PADI6: variants seen among roughly 807,000 people sequenced by gnomAD.
PADI6 encodes the protein inactive protein-arginine deiminase type-6.
A neutral mutation model predicts 78.2 loss-of-function variants in PADI6; 66 were observed. The observed-to-expected ratio is 0.84, with a 90% CI of 0.69 to 1.04. PADI6 has a LOEUF of 1.04. Among genes scored for constraint, PADI6 ranks in the 50% least tolerant of loss-of-function variants. The probability of loss-of-function intolerance (pLI) is 0.00; values close to 1 mark genes in which losing one functional copy is unlikely to be tolerated. For missense variants in PADI6, 854 were observed against 866.1 expected, an observed-to-expected ratio of 0.99 and a Z score of 0.18; for synonymous variants, 397 against 346.9, an observed-to-expected ratio of 1.14 and a Z score of -1.60.
chr1:17,401,006 C>A (rs1216155163), intron 15 of PADI6, among the ~76,000 whole-genome samples, 199 bp from the exon 16 acceptor site: 4 of 152,218 alleles, frequency 2.6e-5, no homozygotes, highest in African/African-American at 9.6e-5. Flanking sequence ...CAATCCCAGA[C>A]CTTGGCCAGG....
intron 3 of PADI6, among the ~76,000 whole-genome samples, chr1:17,376,661 G>A (rs1419431524): frequency 1.3e-5 from 2 of 151,836 alleles, no homozygotes; most frequent in African/African-American, 4.8e-5. Context: ...GCCTCCCAGA[G>A]TGTTGGGATT....
rs527459136 is a variant in PADI6, at chr1:17,392,488, G to A, written c.1074+263G>A. Among the ~76,000 whole-genome samples, 5 of 152,256 alleles carry A rather than the reference G, an allele frequency of 3.3e-5. No individual in the cohort carries two copies. The South Asian group carries it at 6.2e-4, about 19-fold the overall frequency. Reference sequence around the variant, plus strand: ...CACAGAACCCTAACCCCCAGGCCCCGGAAGGCTCTGATACCTTTGGCTAAG... The same window carrying A: ...CACAGAACCCTAACCCCCAGGCCCCAGAAGGCTCTGATACCTTTGGCTAAG... On this transcript the variant is annotated intron_variant, in intron 9 of 15. Coordinates refer to ENST00000619609, the MANE Select transcript of PADI6 (RefSeq NM_207421.4).
Position 17,372,308 on chromosome 1 carries a change from C to T in PADI6, c.63C>T (p.Ser21=), listed in dbSNP as rs1422626808. ...GTATCATCCACCTGTCCCTGGACAG[C>T]CCTGTCCATGCCGTTTGTGTGTTGG... ...FQSIIHLSLD[S]PVHAVCVLGT... Residue 21 remains serine, a synonymous_variant, in exon 1 of 16, where the codon AGC becomes AGT. Coordinates refer to ENST00000619609, the MANE Select transcript of PADI6 (RefSeq NM_207421.4). 1.2e-6 allele frequency: 2 copies of T among 1,613,862 alleles called. No homozygotes were observed. The highest frequency in any genetic ancestry group is 1.7e-6 in the Non-Finnish European group (2 of 1,179,886).
At chr1:17,383,946 C>T (rs953085994) in intron 6 of PADI6, among the ~76,000 whole-genome samples, 1 of 152,164 alleles carries the variant, frequency 6.6e-6, no homozygotes, top group Non-Finnish European at 1.5e-5. Flanking sequence ...GTCAGGAGTT[C>T]GAGACCAGCC....
intron 8 of PADI6, 148 bp downstream of exon 8, chr1:17,389,028 C>A: frequency 1.6e-6 from 1 of 632,900 alleles, no homozygotes; most frequent in Non-Finnish European, 2.8e-6. Context: ...GGACCTGCCC[C>A]AAGACAGTCC....
intron 6 of PADI6, among the ~76,000 whole-genome samples, chr1:17,387,111 C>G (rs868143228): frequency 6.6e-6 from 1 of 152,106 alleles, no homozygotes; most frequent in African/African-American, 2.4e-5. Flanking sequence ...TTCGAGTGAC[C>G]CAGGTGGGAG....
At chr1:17,382,876 A>G (rs950564647) in intron 6 of PADI6, among the ~76,000 whole-genome samples, 7 of 152,146 alleles carry the variant, frequency 4.6e-5, no homozygotes, top group Non-Finnish European at 4.4e-5. Flanking sequence ...GACTAGACTC[A>G]GCTTCCTGGA....
At chr1:17,386,057 G>A (rs971559970) in intron 6 of PADI6, among the ~76,000 whole-genome samples, 2 of 87,480 alleles carry the variant, frequency 2.3e-5, no homozygotes, top group South Asian at 3.9e-4. Flanking sequence ...CCCCAGGGTG[G>A]GTAGGGAGAG....
chr1:17,379,349 C>T (rs1056961402), intron 3 of PADI6, among the ~76,000 whole-genome samples: 3 of 150,040 alleles, frequency 2.0e-5, no homozygotes, highest in South Asian at 4.2e-4. Flanking sequence ...CTCCTGACCT[C>T]GTGATCCGCC....
Position 17,393,995 on chromosome 1 carries a change from C to T in PADI6, c.1095C>T (p.Tyr365=), listed in dbSNP as rs2075218476. ...TCCAGGATGAGATGGCCTTCTGCTA[C>T]ACCCAGGCTCCCCACAAGACAACGT... ...RWLQDEMAFC[Y]TQAPHKTTSL... is the part of the protein sequence containing the mutation. Residue 365 remains tyrosine, a synonymous_variant, in exon 10 of 16, where the codon TAC becomes TAT. Transcript: ENST00000619609. 3.7e-6 allele frequency: 6 copies of T among 1,613,950 alleles called. No individual in the cohort carries two copies. The South Asian group carries it at 4.4e-5, about 12-fold the overall frequency.
intron 3 of PADI6, among the ~76,000 whole-genome samples, chr1:17,379,678 T>C (rs1290144363): frequency 6.6e-6 from 1 of 152,206 alleles, no homozygotes; most frequent in Non-Finnish European, 1.5e-5. Context: ...AGGACCATGA[T>C]GGGCTTGTTT....
chr1:17,395,827 GTAC>G (rs145869860), intron 13 of PADI6, among the ~76,000 whole-genome samples, 164 bp downstream of exon 13: 310 of 152,292 alleles, frequency 2.0e-3, no homozygotes, highest in African/African-American at 6.9e-3. Context: ...TGCTCTAGTG[GTAC>G]TACAACACAA....
chr1:17,379,843 C>A, intron 3 of PADI6, 77 bp from the exon 4 acceptor site: 1 of 1,340,018 alleles, frequency 7.5e-7, no homozygotes, highest in East Asian at 2.3e-5. Context: ...TGGGCAGCCC[C>A]ACAGGAGATA....
At chr1:17,393,070 C>T (rs778371205) in intron 9 of PADI6, among the ~76,000 whole-genome samples, 1 of 152,126 alleles carries the variant, frequency 6.6e-6, no homozygotes, top group Non-Finnish European at 1.5e-5. Flanking sequence ...CGCTTGAACC[C>T]AGGAGGCGGA....
At chr1:17,377,142 CTTTA>C (rs1268097764) in intron 3 of PADI6, among the ~76,000 whole-genome samples, 1 of 151,944 alleles carries the variant, frequency 6.6e-6, no homozygotes, top group African/African-American at 2.4e-5. Flanking sequence ...GCCCAGCTGA[CTTTA>C]TTTTTTTATT....
Position 17,375,538 on chromosome 1 carries a change from AC to A in PADI6, c.367+41del, listed in dbSNP as rs768244612. 8 of 1,522,944 alleles carry A rather than the reference AC, an allele frequency of 5.3e-6. No individual in the cohort carries two copies. In the South Asian group the frequency reaches 9.4e-5, roughly 18 times the overall value. 94.3% of individuals were successfully genotyped at this position (1,522,944 alleles called of 1,614,324 possible). On this transcript the variant is annotated intron_variant, in intron 3 of 15. Coordinates refer to ENST00000619609, the MANE Select transcript of PADI6 (RefSeq NM_207421.4). ...CAACTGGGAGCCTGGGGCCCAACTC[AC>A]CGCTGGGGTTGGGGAAGGGGTGGGA...
chr1:17,383,231 C>T (rs1329298197), intron 6 of PADI6, among the ~76,000 whole-genome samples: 1 of 152,250 alleles, frequency 6.6e-6, no homozygotes, highest in Non-Finnish European at 1.5e-5. Context: ...GGTCTACACT[C>T]TGGGGCCTTG....
At chr1:17,380,926 T>C in intron 4 of PADI6, 121 bp from the exon 5 acceptor site, 1 of 763,794 alleles carries the variant, frequency 1.3e-6, no homozygotes. Context: ...ACCAGTCCTG[T>C]TCCATGGGTC....
At position 17,373,238 on chromosome 1, in the gene PADI6, G is replaced by A. The variant is rs75680944; in HGVS notation, c.294+5G>A. On this transcript the variant is annotated splice_donor_5th_base_variant and intron_variant, in intron 2 of 15. Coordinates refer to ENST00000619609, the MANE Select transcript of PADI6 (RefSeq NM_207421.4). ...CCTTCCGTGGATGCGGATAAGGTAA[G>A]CCTCAGGGGAAGAGGTGAGGGGCAT... 6.0e-5 allele frequency: 96 copies of A among 1,613,262 alleles called. No homozygotes were observed. The East Asian group carries it at 1.9e-3, about 32-fold the overall frequency.
Sources: gnomAD v4.1 joint callset for allele counts (sites outside exome capture counted in the v4.1 genomes callset) on GRCh38, gnomAD v4.1.1 for gene constraint, MANE v1.5 for transcripts, NCBI Gene and HGNC (gene_info 2026-07-23, HGNC 2026-07-21) for gene names.